ZC2HC1A: variants seen among roughly 807,000 people sequenced by gnomAD.
ZC2HC1A encodes zinc finger C2HC domain-containing protein 1A.
A neutral mutation model predicts 40.7 loss-of-function variants in ZC2HC1A; 28 were observed. That is an observed-to-expected ratio of 0.69 (90% CI 0.51 to 0.94). The LOEUF is 0.94. Ranked by LOEUF, ZC2HC1A falls within the 40% of genes least tolerant of loss-of-function variation. The pLI is 0.00. For missense variants in ZC2HC1A, 389 were observed against 386.3 expected, an observed-to-expected ratio of 1.01 and a Z score of -0.06; for synonymous variants, 129 against 129.2, an observed-to-expected ratio of 1.00 and a Z score of 0.01.
At chr8:78,700,027 T>C (rs1249665943) in intron 7 of ZC2HC1A, among the ~76,000 whole-genome samples, 1 of 152,198 alleles carries the variant, frequency 6.6e-6, no homozygotes, top group African/African-American at 2.4e-5. Flanking sequence ...TTTAGGTCTT[T>C]GAGGAATTGC....
At chr8:78,696,489 T>A (rs753119446) in intron 5 of ZC2HC1A, among the ~76,000 whole-genome samples, 1 of 152,208 alleles carries the variant, frequency 6.6e-6, no homozygotes, top group Non-Finnish European at 1.5e-5. Context: ...GGCATAACCC[T>A]GGGCAAGTTC....
intron 7 of ZC2HC1A, among the ~76,000 whole-genome samples, chr8:78,713,236 C>T (rs1258102930): frequency 6.6e-6 from 1 of 151,946 alleles, no homozygotes; most frequent in East Asian, 1.9e-4. Flanking sequence ...CTGTGTAAGA[C>T]TGGGGCAAGA....
At chr8:78,697,968 G>A (rs1345977816) in intron 6 of ZC2HC1A, among the ~76,000 whole-genome samples, 1 of 152,078 alleles carries the variant, frequency 6.6e-6, no homozygotes, top group Non-Finnish European at 1.5e-5. Flanking sequence ...GTGAGCCACC[G>A]TGGTGCCGAG....
intron 5 of ZC2HC1A, among the ~76,000 whole-genome samples, chr8:78,695,642 C>G (rs970261514): frequency 3.9e-5 from 6 of 152,096 alleles, no homozygotes; most frequent in African/African-American, 1.4e-4. Flanking sequence ...TTTCTAATGT[C>G]TGTCTTTCTC....
rs947107042 is a variant in ZC2HC1A at position 78,719,227 on chromosome 8, G to T, written c.*1734G>T. 4.7e-4 allele frequency: 39 copies of T among 82,568 alleles called. No homozygotes were observed. The highest frequency in any genetic ancestry group is 1.3e-3 in the African/African-American group (39 of 29,906). The allele number at this position is 82,568 out of a possible 1,614,324, so 5.1% of individuals were successfully genotyped here. A position where few individuals can be genotyped will look rare whatever the true frequency, so the allele number is the denominator to read the frequency against. On this transcript the variant is annotated 3_prime_UTR_variant, in exon 9 of 9. Transcript: ENST00000263849. ...ATCTAATACTGAGCACTGTTTTTTT[G>T]TCAAGTATTTTTTTAAGACCACATA... is the stretch of plus-strand genomic sequence containing the variant.
At chr8:78,712,527 C>T (rs921358894) in intron 7 of ZC2HC1A, among the ~76,000 whole-genome samples, 19 of 151,836 alleles carry the variant, frequency 1.3e-4, no homozygotes, top group Non-Finnish European at 2.7e-4. Context: ...TATAAAAAGC[C>T]CAGAAAAAGA....
intron 1 of ZC2HC1A, among the ~76,000 whole-genome samples, chr8:78,666,439 C>G (rs756244727): frequency 2.0e-5 from 3 of 152,246 alleles, no homozygotes; most frequent in Admixed American, 6.5e-5. Flanking sequence ...CACGTCTCTT[C>G]CTACCATTTT....
intron 3 of ZC2HC1A, among the ~76,000 whole-genome samples, chr8:78,683,633 TG>T (rs1209522179): frequency 6.6e-6 from 1 of 152,146 alleles, no homozygotes; most frequent in African/African-American, 2.4e-5. Context: ...TGAAGGTCTC[TG>T]ATGTGCCCTG....
At chr8:78,674,244 T>C (rs1398388457) in intron 1 of ZC2HC1A, among the ~76,000 whole-genome samples, 7 of 152,210 alleles carry the variant, frequency 4.6e-5, no homozygotes, top group African/African-American at 1.7e-4. Context: ...AGTTAATTTT[T>C]ATAAGATTTT....
At chr8:78,680,286 C>CAAAAAAA (rs3070855) in intron 3 of ZC2HC1A, among the ~76,000 whole-genome samples, 5 of 88,150 alleles carry the variant, frequency 5.7e-5, no homozygotes, top group African/African-American at 2.3e-4. Context: ...GACTCCGTCT[C>CAAAAAAA]AAAAAAAAAA....
At chr8:78,695,708 G>T (rs117243187) in intron 5 of ZC2HC1A, among the ~76,000 whole-genome samples, 2,071 of 152,018 alleles carry the variant, frequency 0.014, 26 homozygotes, top group South Asian at 0.031. Flanking sequence ...CACCTCTAAG[G>T]TTTTAAAAAA....
chr8:78,698,607 A>G, intron 7 of ZC2HC1A, 94 bp downstream of exon 7: 1 of 929,850 alleles, frequency 1.1e-6, no homozygotes, highest in Non-Finnish European at 1.5e-6. Flanking sequence ...ATTCATCTTC[A>G]TTTCCTAAGT....
At chr8:78,672,293 C>T (rs1809456055) in intron 1 of ZC2HC1A, among the ~76,000 whole-genome samples, 1 of 152,080 alleles carries the variant, frequency 6.6e-6, no homozygotes, top group Non-Finnish European at 1.5e-5. Flanking sequence ...GAGAAAGGTA[C>T]AGCCACTTTA....
intron 4 of ZC2HC1A, among the ~76,000 whole-genome samples, chr8:78,687,002 TA>T (rs547701119): frequency 7.9e-5 from 12 of 151,992 alleles, no homozygotes; most frequent in Non-Finnish European, 1.5e-4. Flanking sequence ...GAGATTGATA[TA>T]AAAAAAATCA....
intron 6 of ZC2HC1A, 139 bp from the exon 7 acceptor site, chr8:78,698,275 C>A: frequency 1.6e-6 from 1 of 638,004 alleles, no homozygotes; most frequent in Non-Finnish European, 2.6e-6. Context: ...CTGGAAATGC[C>A]ATTTAAAAAA....
At position 78,686,662 on chromosome 8, in the gene ZC2HC1A, A is replaced by G. The variant is rs942462855; in HGVS notation, c.352+54A>G. The G allele has an allele frequency of 3.6e-6, 5 of 1,398,628 alleles. No homozygotes were observed. The African/African-American group carries it at 7.4e-5, about 21-fold the overall frequency. The allele number at this position is 1,398,628 out of a possible 1,614,324, so 86.6% of individuals were successfully genotyped here. On this transcript the variant is annotated intron_variant, in intron 4 of 8. Coordinates refer to ENST00000263849, the MANE Select transcript of ZC2HC1A (RefSeq NM_016010.3). The stretch of plus-strand genomic sequence containing the variant: ...TCATGTGGAAAGAAAATAATGATAG[A>G]GTTTTTATAAATTTTCACTTGTTAA...
chr8:78,681,554 G>A (rs555332030), intron 3 of ZC2HC1A, among the ~76,000 whole-genome samples: 102 of 152,132 alleles, frequency 6.7e-4, no homozygotes, highest in Non-Finnish European at 1.3e-3. Context: ...TGCTGCTCTC[G>A]GAACACTGTT....
intron 4 of ZC2HC1A, 47 bp downstream of exon 4, chr8:78,686,655 A>G (rs1252061878): frequency 2.1e-6 from 3 of 1,409,336 alleles, no homozygotes; most frequent in East Asian, 2.6e-5. Context: ...AAAGAAAATA[A>G]TGATAGAGTT....
chr8:78,689,918 A>G (rs532935214), intron 5 of ZC2HC1A, among the ~76,000 whole-genome samples: 128 of 152,276 alleles, frequency 8.4e-4, no homozygotes, highest in Non-Finnish European at 1.4e-3. Context: ...CATGTCTTCT[A>G]TAAGTTTTAT....
Sources: gnomAD v4.1 joint callset for allele counts (sites outside exome capture counted in the v4.1 genomes callset) on GRCh38, gnomAD v4.1.1 for gene constraint, MANE v1.5 for transcripts, NCBI Gene and HGNC (gene_info 2026-07-23, HGNC 2026-07-21) for gene names.